DGKG: variants seen among roughly 807,000 people sequenced by gnomAD.
DGKG encodes diacylglycerol kinase gamma.
A neutral mutation model predicts 105.3 loss-of-function variants in DGKG; 78 were observed. The observed-to-expected ratio is 0.74, with a 90% confidence interval of 0.62 to 0.89. The LOEUF (loss-of-function observed/expected upper bound fraction) is 0.89. DGKG is among the 40% of genes least tolerant of loss of function. The pLI is 0.00. For synonymous variants in DGKG, 346 were observed against 367.1 expected (o/e 0.94, Z 0.66); for missense variants, 958 against 1,020.1 (o/e 0.94, Z 0.83).
At chr3:186,360,086 G>A (rs1394353227) in intron 1 of DGKG, among the ~76,000 whole-genome samples, 1 of 152,116 alleles carries the variant, frequency 6.6e-6, no homozygotes, top group Admixed American at 6.5e-5. Context: ...GCTCACACAT[G>A]CACAGCCTGG....
intron 8 of DGKG, 112 bp from the exon 9 acceptor site, chr3:186,280,085 T>C (rs934183409): frequency 1.3e-5 from 18 of 1,365,908 alleles, no homozygotes; most frequent in Non-Finnish European, 1.8e-5. Context: ...TTTTACCCCT[T>C]TCCCCTCCTG....
chr3:186,312,720 C>G (rs371320927), intron 2 of DGKG, among the ~76,000 whole-genome samples: 23 of 152,158 alleles, frequency 1.5e-4, no homozygotes, highest in African/African-American at 5.1e-4. Flanking sequence ...GGAAGTTATA[C>G]AGTGAGATGC....
intron 3 of DGKG, among the ~76,000 whole-genome samples, chr3:186,299,802 T>TTTCC (rs1560141839): frequency 1.2e-3 from 117 of 97,244 alleles, no homozygotes; most frequent in Middle Eastern, 4.9e-3. Context: ...TCTTTCTTTC[T>TTTCC]TTCTTTCTTT....
At chr3:186,337,433 C>T (rs183813535) in intron 1 of DGKG, among the ~76,000 whole-genome samples, 7 of 152,040 alleles carry the variant, frequency 4.6e-5, no homozygotes, top group Admixed American at 1.3e-4. Context: ...ACAAACAAAA[C>T]CTTTAAGCAC....
At chr3:186,268,581 T>A (rs1414945774) in intron 12 of DGKG, among the ~76,000 whole-genome samples, 1 of 152,208 alleles carries the variant, frequency 6.6e-6, no homozygotes. Context: ...TCTTCAGCAG[T>A]CCTCACTCCC....
chr3:186,254,049 A>G (rs755329457), intron 17 of DGKG, among the ~76,000 whole-genome samples: 2 of 152,222 alleles, frequency 1.3e-5, no homozygotes, highest in Non-Finnish European at 2.9e-5. Flanking sequence ...CAGAACCATC[A>G]GAGAAAGCAC....
rs761838382 is a variant in DGKG at position 186,226,456 on chromosome 3, A to G, written c.1827-14571T>C. On this transcript the variant is annotated intron_variant, in intron 20 of 24. Coordinates refer to ENST00000265022, the MANE Select transcript of DGKG (RefSeq NM_001346.3). The surrounding 1 kb of genome is among the most constrained non-coding windows in gnomAD (Gnocchi z 4.2). ...TGCATATACAGAAACCGTGATTATG[A>G]GCAGCCGCTTCCCCTCTCCCCACCC... 4.6e-5 allele frequency among the ~76,000 whole-genome samples: 7 copies of G among 151,516 alleles called. No homozygotes were observed. The highest frequency in any genetic ancestry group is 8.8e-5 in the Non-Finnish European group (6 of 67,956).
intron 20 of DGKG, among the ~76,000 whole-genome samples, chr3:186,241,358 G>C (rs1294140390): frequency 6.6e-6 from 1 of 152,088 alleles, no homozygotes; most frequent in Non-Finnish European, 1.5e-5. Context: ...TTTGAGACCA[G>C]CCTGGTGAAC....
chr3:186,204,257 T>G (rs1360401811), intron 21 of DGKG, among the ~76,000 whole-genome samples: 3 of 152,010 alleles, frequency 2.0e-5, no homozygotes, highest in Non-Finnish European at 4.4e-5. Context: ...AATACAAACA[T>G]TAGCCAGGCA....
At position 186,284,700 on chromosome 3, in the gene DGKG, C is replaced by T. The variant is rs773823073; in HGVS notation, c.554G>A (p.Arg185His). The T allele has an allele frequency of 1.4e-5, 23 of 1,613,700 alleles. No individual in the cohort carries two copies. The highest frequency in any genetic ancestry group is 4.5e-5 in the East Asian group (2 of 44,898). The change falls in exon 7 of 25, where the codon CGC becomes CAC. Residue 185 changes from arginine to histidine, a missense_variant. Coordinates refer to ENST00000265022, the MANE Select transcript of DGKG (RefSeq NM_001346.3). This position sits in a 1 kb window ranked among gnomAD's most constrained non-coding sequence, Gnocchi z 4.0. ...ACCGTTCTCATCTGAATCATAGAGGCGAAACATGACTGTAAGAAACACAGA... is the reference window on the plus strand; with the variant it reads ...ACCGTTCTCATCTGAATCATAGAGGTGAAACATGACTGTAAGAAACACAGA... ...RPQDKLEFMF[R>H]LYDSDENGLL... is the part of the protein sequence containing the mutation.
chr3:186,170,746 G>A (rs115602248), intron 22 of DGKG, among the ~76,000 whole-genome samples: 1,540 of 152,190 alleles, frequency 0.01, 29 homozygotes, highest in African/African-American at 0.035. Context: ...ACATTCACCC[G>A]GACAACTCCC....
At chr3:186,267,346 A>C (rs749085136) in intron 13 of DGKG, among the ~76,000 whole-genome samples, 153 of 152,334 alleles carry the variant, frequency 1.0e-3, no homozygotes, top group Non-Finnish European at 1.8e-3. Context: ...GATTTCTCTC[A>C]AAATCTGATC....
chr3:186,188,248 G>A lies in DGKG; in HGVS notation c.2049C>T (p.Ser683=). The A allele has an allele frequency of 6.2e-7, 1 of 1,614,140 alleles. No individual in the cohort carries two copies. Among genetic ancestry groups the A allele is most frequent in the Non-Finnish European group, 8.5e-7 (1 of 1,180,028 alleles). ...NKKNRAVIRE[S]RKGVTDPKEL... is the part of the protein sequence containing the mutation. ...CTTTGGGGTCAGTGACACCCTTCCT[G>A]CTTTCCCGGATCACAGCCCGGTTCT... The change falls in exon 22 of 25, where the codon AGC becomes AGT. Residue 683 remains serine, a synonymous_variant. Transcript: ENST00000265022.
At chr3:186,323,198 C>T (rs1305067068) in intron 1 of DGKG, among the ~76,000 whole-genome samples, 1 of 152,192 alleles carries the variant, frequency 6.6e-6, no homozygotes, top group Non-Finnish European at 1.5e-5. Context: ...ATACACAAAG[C>T]TCTTTATGAT....
chr3:186,244,249 A>G (rs1245168466), intron 19 of DGKG, among the ~76,000 whole-genome samples: 1 of 152,094 alleles, frequency 6.6e-6, no homozygotes, highest in Non-Finnish European at 1.5e-5. Context: ...TTTGAGCATG[A>G]ACTCTGTGTG....
Position 186,242,526 on chromosome 3 carries a change from G to A in DGKG, c.1804C>T (p.His602Tyr), listed in dbSNP as rs1720738575. 2 of 1,613,764 alleles carry A rather than the reference G, an allele frequency of 1.2e-6. No individual in the cohort carries two copies. Among genetic ancestry groups the A allele is most frequent in the Non-Finnish European group, 1.7e-6 (2 of 1,179,792 alleles). Residue 602 changes from histidine (H) to tyrosine (Y), a missense_variant, in exon 20 of 25, where the codon CAT becomes TAT. Transcript: ENST00000265022. ...TACCTGCTGTTGAATTTTTCAGGAT[G>A]TTTCTCTCTCATCACATGGAATCTG... ...AHRFHVMREK[H>Y]PEKFNSRMKN...
intron 21 of DGKG, among the ~76,000 whole-genome samples, chr3:186,197,110 ACCAGGGTCCTT>A (rs1025221580): frequency 6.6e-5 from 10 of 152,192 alleles, no homozygotes; most frequent in African/African-American, 2.4e-4. Flanking sequence ...TGGGGACGAT[ACCAGGGTCCTT>A]CCTTTCTCAG....
At chr3:186,182,707 T>G (rs1260400775) in intron 22 of DGKG, among the ~76,000 whole-genome samples, 1 of 152,222 alleles carries the variant, frequency 6.6e-6, no homozygotes, top group Non-Finnish European at 1.5e-5. Flanking sequence ...TAAGATTTTT[T>G]TTTTTCTAAA....
At chr3:186,219,060 A>G (rs1338073017) in intron 20 of DGKG, among the ~76,000 whole-genome samples, 1 of 152,018 alleles carries the variant, frequency 6.6e-6, no homozygotes. Context: ...TAATATTGAC[A>G]GTACTTTACC....
Sources: allele counts gnomAD v4.1 joint callset (sites outside exome capture counted in the v4.1 genomes callset), GRCh38; gene constraint gnomAD v4.1.1; non-coding constraint Gnocchi (gnomAD v3.1); transcripts MANE v1.5; gene names NCBI Gene and HGNC (gene_info 2026-07-23, HGNC 2026-07-21).